CAMKMT: variants seen among roughly 807,000 people sequenced by gnomAD.
The protein encoded by CAMKMT is CaM KMT.
A neutral mutation model predicts 48.0 loss-of-function variants in CAMKMT; 53 were observed. The ratio of observed to expected loss-of-function variants is 1.10; its 90% confidence interval spans 0.89 to 1.39. CAMKMT has a LOEUF of 1.39. CAMKMT is among the 40% of genes most tolerant of loss of function. The pLI is 0.00. For synonymous variants in CAMKMT, 165 were observed against 152.3 expected (o/e 1.08, Z -0.61); for missense variants, 428 against 402.7 (o/e 1.06, Z -0.54).
intron 3 of CAMKMT, among the ~76,000 whole-genome samples, chr2:44,528,273 A>C (rs1666276620): frequency 6.6e-6 from 1 of 152,130 alleles, no homozygotes; most frequent in Admixed American, 6.6e-5. Context: ...AGAATTTAAC[A>C]AGAAAACAGT....
intron 3 of CAMKMT, among the ~76,000 whole-genome samples, chr2:44,655,496 C>T (rs573801591): frequency 3.9e-5 from 6 of 152,224 alleles, no homozygotes; most frequent in Non-Finnish European, 7.4e-5. Context: ...CACTTCTAGG[C>T]TGATTATATA....
intron 3 of CAMKMT, among the ~76,000 whole-genome samples, chr2:44,431,883 A>C (rs1400496919): frequency 6.6e-6 from 1 of 152,192 alleles, no homozygotes; most frequent in Non-Finnish European, 1.5e-5. Flanking sequence ...GTGTTCAGAG[A>C]AGAAATCAAG....
At chr2:44,520,774 G>A (rs1026104273) in intron 3 of CAMKMT, among the ~76,000 whole-genome samples, 5 of 152,186 alleles carry the variant, frequency 3.3e-5, no homozygotes, top group African/African-American at 1.2e-4. Flanking sequence ...GACAGGTGGA[G>A]GTAATTGGAT....
chr2:44,610,429 G>C (rs1671534665), intron 3 of CAMKMT, among the ~76,000 whole-genome samples: 1 of 152,066 alleles, frequency 6.6e-6, no homozygotes, highest in Non-Finnish European at 1.5e-5. Context: ...TTTGGGAGGT[G>C]GCACTTTTAT....
At chr2:44,669,416 T>C (rs781399943) in intron 3 of CAMKMT, among the ~76,000 whole-genome samples, 13 of 152,180 alleles carry the variant, frequency 8.5e-5, no homozygotes, top group Non-Finnish European at 1.5e-4. Flanking sequence ...AGCACATGTG[T>C]GCAAAAATTT....
intron 3 of CAMKMT, among the ~76,000 whole-genome samples, chr2:44,642,936 G>C: frequency 6.6e-6 from 1 of 152,130 alleles, no homozygotes; most frequent in South Asian, 2.1e-4. Flanking sequence ...AGTGTCCGCT[G>C]TGTTTATGGC....
At chr2:44,470,994 CTTTTTT>C (rs11362559) in intron 3 of CAMKMT, among the ~76,000 whole-genome samples, 1 of 74,934 alleles carries the variant, frequency 1.3e-5, no homozygotes, top group Non-Finnish European at 2.7e-5. Context: ...CTCTCTCTCT[CTTTTTT>C]TTTTTTTTTT....
chr2:44,638,048 C>A (rs1268390476), intron 3 of CAMKMT, among the ~76,000 whole-genome samples: 1 of 117,268 alleles, frequency 8.5e-6, no homozygotes, highest in Non-Finnish European at 1.9e-5. Context: ...GAGCGAGACT[C>A]CATCTCAAAC....
intron 3 of CAMKMT, among the ~76,000 whole-genome samples, chr2:44,466,833 G>A (rs1326749602): frequency 2.6e-5 from 4 of 152,076 alleles, no homozygotes; most frequent in Non-Finnish European, 4.4e-5. Context: ...ACAAAACAAC[G>A]GATGCCACAG....
chr2:44,412,220 C>T (rs559626261), intron 3 of CAMKMT, among the ~76,000 whole-genome samples: 4 of 152,228 alleles, frequency 2.6e-5, no homozygotes, highest in Admixed American at 6.5e-5. Flanking sequence ...ACACCCCCTG[C>T]GATGCCTGTT....
At chr2:44,768,977 A>C (rs575824086) in intron 10 of CAMKMT, among the ~76,000 whole-genome samples, 1 of 152,100 alleles carries the variant, frequency 6.6e-6, no homozygotes, top group Non-Finnish European at 1.5e-5. Context: ...ATCTTGTTAC[A>C]CAAATGGTCG....
intron 3 of CAMKMT, among the ~76,000 whole-genome samples, chr2:44,424,376 A>G (rs535498027): frequency 6.6e-6 from 1 of 151,944 alleles, no homozygotes; most frequent in East Asian, 1.9e-4. Context: ...TGGGCTTACA[A>G]CTCTAAGGGG....
chr2:44,644,428 T>G (rs1318488731), intron 3 of CAMKMT, among the ~76,000 whole-genome samples: 1 of 152,224 alleles, frequency 6.6e-6, no homozygotes, highest in African/African-American at 2.4e-5. Context: ...TCTAAAAAAT[T>G]ATCACGTTTT....
intron 2 of CAMKMT, among the ~76,000 whole-genome samples, 191 bp from the exon 3 acceptor site, chr2:44,390,050 A>C (rs1681172625): frequency 6.6e-6 from 1 of 152,176 alleles, no homozygotes; most frequent in Non-Finnish European, 1.5e-5. Context: ...ATTATGTTAA[A>C]TATTCTGAGG....
intron 3 of CAMKMT, among the ~76,000 whole-genome samples, chr2:44,412,945 G>A (rs943660347): frequency 6.6e-6 from 1 of 151,562 alleles, no homozygotes; most frequent in South Asian, 2.1e-4. Context: ...GTGTGGTGGC[G>A]TGCGCCTGTA....
At chr2:44,388,452 C>G (rs1245184545) in intron 2 of CAMKMT, among the ~76,000 whole-genome samples, 1 of 152,226 alleles carries the variant, frequency 6.6e-6, no homozygotes, top group South Asian at 2.1e-4. Flanking sequence ...CTTTGCCTTT[C>G]TCTGGTGCCT....
intron 3 of CAMKMT, among the ~76,000 whole-genome samples, chr2:44,526,219 T>A (rs927797282): frequency 3.9e-5 from 6 of 152,156 alleles, no homozygotes; most frequent in Admixed American, 3.3e-4. Context: ...TCCCAATAAA[T>A]TGAACATAAT....
At chr2:44,483,708 G>A (rs1669084574) in intron 3 of CAMKMT, among the ~76,000 whole-genome samples, 1 of 152,084 alleles carries the variant, frequency 6.6e-6, no homozygotes, top group Non-Finnish European at 1.5e-5. Context: ...AATTATATGA[G>A]TAATTATTCA....
At chr2:44,533,311 T>G (rs1666590817) in intron 3 of CAMKMT, among the ~76,000 whole-genome samples, 1 of 151,674 alleles carries the variant, frequency 6.6e-6, no homozygotes, top group East Asian at 1.9e-4. Flanking sequence ...TGATCTTGGC[T>G]CACTGCAACC....
Sources: gnomAD v4.1 joint callset for allele counts (sites outside exome capture counted in the v4.1 genomes callset) on GRCh38, gnomAD v4.1.1 for gene constraint, MANE v1.5 for transcripts, NCBI Gene and HGNC (gene_info 2026-07-23, HGNC 2026-07-21) for gene names.